The following DENND1B variants were observed in gnomAD, a reference collection of about 807,000 sequenced individuals.
DENND1B encodes DENN domain-containing protein 1B.
In DENND1B, 59 loss-of-function variants were observed where a neutral mutation model predicts 90.1. That is an observed-to-expected ratio of 0.65 (90% CI 0.53 to 0.81). DENND1B has a LOEUF of 0.81. Among genes scored for constraint, DENND1B ranks in the 40% least tolerant of loss-of-function variants. The probability of loss-of-function intolerance (pLI) is 0.00; values close to 1 mark genes in which losing one functional copy is unlikely to be tolerated. For synonymous variants in DENND1B, 337 were observed against 324.6 expected (o/e 1.04, Z -0.41); for missense variants, 862 against 912.6 (o/e 0.94, Z 0.71).
At chr1:197,770,914 A>ATT (rs113477593) in intron 2 of DENND1B, among the ~76,000 whole-genome samples, 5 of 136,400 alleles carry the variant, frequency 3.7e-5, no homozygotes, top group Admixed American at 7.7e-5. Context: ...ATCTATATAG[A>ATT]TTTTTTTTTT....
At chr1:197,569,027 T>G (rs1672924153) in intron 15 of DENND1B, among the ~76,000 whole-genome samples, 1 of 152,030 alleles carries the variant, frequency 6.6e-6, no homozygotes, top group Non-Finnish European at 1.5e-5. Flanking sequence ...ATTTGTAAAT[T>G]ATATCTGATA....
chr1:197,566,797 TA>T lies in DENND1B; in HGVS notation c.1150-13686del, dbSNP rs908748981. On this transcript the variant is annotated intron_variant, in intron 15 of 22. Coordinates refer to ENST00000620048, the MANE Select transcript of DENND1B (RefSeq NM_001195215.2). The stretch of plus-strand genomic sequence containing the variant: ...GGGAAATTCATAGAAGTATGAGAGG[TA>T]AAAAAAAAAAATTCCTGGAAAAGGT... 6.8e-3 allele frequency among the ~76,000 whole-genome samples: 966 copies of T among 143,074 alleles called. 13 individuals carry two copies. Among genetic ancestry groups the T allele is most frequent in the African/African-American group, 0.022 (848 of 39,224 alleles). The allele number at this position is 143,074 out of a possible 152,430, so 93.9% of individuals were successfully genotyped here.
chr1:197,761,858 AC>A (rs1655091867), intron 2 of DENND1B: 1 of 151,924 alleles, frequency 6.6e-6, no homozygotes, highest in African/African-American at 2.4e-5. Context: ...CTTGATCTTT[AC>A]CAGTTCTGCC....
chr1:197,542,802 G>T (rs1301864156), intron 18 of DENND1B, among the ~76,000 whole-genome samples: 1 of 152,092 alleles, frequency 6.6e-6, no homozygotes, highest in Admixed American at 6.6e-5. Context: ...CAAACCTCCT[G>T]ATTCAGGGAT....
At chr1:197,721,600 G>T (rs945723434) in intron 2 of DENND1B, among the ~76,000 whole-genome samples, 4 of 151,984 alleles carry the variant, frequency 2.6e-5, no homozygotes, top group African/African-American at 9.7e-5. Flanking sequence ...ATTCTAGAGT[G>T]AAGAACCAGT....
In DENND1B at chr1:197,765,130, T is replaced by C. The variant is rs1234604568; in HGVS notation, c.82+7738A>G. Among the ~76,000 whole-genome samples, 4 of 152,218 alleles carry C rather than the reference T, an allele frequency of 2.6e-5. 1 individual carries two copies. Among genetic ancestry groups the C allele is most frequent in the Non-Finnish European group, 5.9e-5 (4 of 68,038 alleles). ...CCACAGTCTCCTAAATAAATACTTT[T>C]AAAAGGTCAAGTCAGGATCACCTTT... On this transcript the variant is annotated intron_variant, in intron 2 of 22. Transcript: ENST00000620048.
At position 197,674,303 on chromosome 1, in the gene DENND1B, A is replaced by G. The variant is rs1655831228; in HGVS notation, c.127-134T>C. On this transcript the variant is annotated intron_variant, in intron 3 of 22. Coordinates refer to ENST00000620048, the MANE Select transcript of DENND1B (RefSeq NM_001195215.2). ...CTTAAGAAAAATAGCACAGGTTCCT[A>G]GACTAAAATAATTGATTATTAAAAA... 6 of 644,524 alleles carry G rather than the reference A, an allele frequency of 9.3e-6. No individual in the cohort carries two copies. The South Asian group carries it at 1.2e-4, about 13-fold the overall frequency. 39.9% of individuals were successfully genotyped at this position (644,524 alleles called of 1,614,324 possible).
intron 3 of DENND1B, among the ~76,000 whole-genome samples, chr1:197,687,877 T>C (rs1208489400): frequency 1.3e-5 from 2 of 152,070 alleles, no homozygotes; most frequent in Admixed American, 1.3e-4. Flanking sequence ...GTAAAATTAT[T>C]TCTGTTCACA....
chr1:197,714,091 C>T (rs556126238), intron 3 of DENND1B, among the ~76,000 whole-genome samples: 2 of 149,720 alleles, frequency 1.3e-5, no homozygotes, highest in Non-Finnish European at 3.0e-5. Context: ...ATTCTCCTGC[C>T]TCAGCCTCCC....
chr1:197,770,815 T>TATATCTATAA, intron 2 of DENND1B, among the ~76,000 whole-genome samples: 1 of 140,784 alleles, frequency 7.1e-6, no homozygotes, highest in Non-Finnish European at 1.5e-5. Context: ...TATATAAATA[T>TATATCTATAA]ATATGTAAAT....
intron 3 of DENND1B, among the ~76,000 whole-genome samples, chr1:197,695,550 A>G (rs1414515320): frequency 6.6e-6 from 1 of 151,012 alleles, no homozygotes; most frequent in Non-Finnish European, 1.5e-5. Context: ...GAGTTTATAT[A>G]TAATATTCAC....
In DENND1B at chr1:197,772,453, T is replaced by G. The variant is rs986549298; in HGVS notation, c.82+415A>C. On this transcript the variant is annotated intron_variant, in intron 2 of 22. Transcript: ENST00000620048. ...CAGAATACACATTTAGTAGTATTATTTTCCTATTACTACCATGTTCCAGCA... is the reference window on the plus strand; with the variant it reads ...CAGAATACACATTTAGTAGTATTATGTTCCTATTACTACCATGTTCCAGCA... Among the ~76,000 whole-genome samples, 8 of 152,304 alleles carry G rather than the reference T, an allele frequency of 5.3e-5. No homozygotes were observed. The East Asian group carries it at 1.3e-3, about 26-fold the overall frequency.
At chr1:197,524,816 T>C (rs1393542064) in intron 20 of DENND1B, among the ~76,000 whole-genome samples, 1 of 152,194 alleles carries the variant, frequency 6.6e-6, no homozygotes, top group East Asian at 1.9e-4. Flanking sequence ...ATTAAATGCT[T>C]ATTAATGCTA....
At chr1:197,700,896 G>A (rs1057503193) in intron 3 of DENND1B, among the ~76,000 whole-genome samples, 6 of 152,052 alleles carry the variant, frequency 3.9e-5, no homozygotes, top group African/African-American at 1.4e-4. Context: ...ACCATCTCAC[G>A]ACAGTCAGCA....
intron 3 of DENND1B, among the ~76,000 whole-genome samples, chr1:197,696,865 C>T (rs2102126840): frequency 6.9e-6 from 1 of 145,428 alleles, no homozygotes; most frequent in African/African-American, 2.5e-5. Context: ...AAGAAACATA[C>T]ATACAGCCTA....
chr1:197,778,428 A>G (rs1007771417), upstream of DENND1B, among the ~76,000 whole-genome samples: 1 of 152,144 alleles, frequency 6.6e-6, no homozygotes, highest in Non-Finnish European at 1.5e-5. Context: ...TCATCCCATC[A>G]CTTTGGGAGG....
intron 2 of DENND1B, among the ~76,000 whole-genome samples, chr1:197,745,616 T>TTATATATATATATATATA (rs60118343): frequency 2.8e-5 from 2 of 71,812 alleles, no homozygotes; most frequent in Admixed American, 1.3e-4. Context: ...CATATATATA[T>TTATATATATATATATATA]TATATATATA....
intron 10 of DENND1B, among the ~76,000 whole-genome samples, chr1:197,637,228 A>C (rs1173172863): frequency 6.6e-6 from 1 of 152,112 alleles, no homozygotes; most frequent in African/African-American, 2.4e-5. Flanking sequence ...GTAAGCTATA[A>C]GGATAAGAAA....
chr1:197,724,557 A>G (rs1661459433), intron 2 of DENND1B, among the ~76,000 whole-genome samples: 1 of 152,158 alleles, frequency 6.6e-6, no homozygotes, highest in Admixed American at 6.5e-5. Context: ...ACACTTGATC[A>G]ACTCAGGTCT....
Sources: gnomAD v4.1 joint callset for allele counts (sites outside exome capture counted in the v4.1 genomes callset) on GRCh38, gnomAD v4.1.1 for gene constraint, MANE v1.5 for transcripts, NCBI Gene and HGNC (gene_info 2026-07-23, HGNC 2026-07-21) for gene names.